RYR2: variants seen among roughly 807,000 people sequenced by gnomAD.
The protein encoded by RYR2 is ryanodine receptor 2, also known as cardiac muscle ryanodine receptor-calcium release channel.
Under a neutral mutation model 601.1 loss-of-function variants are expected in RYR2, and 227 were observed. The observed-to-expected ratio is 0.38, with a 90% CI of 0.34 to 0.42. The LOEUF (loss-of-function observed/expected upper bound fraction) is 0.42. Among genes scored for constraint, RYR2 ranks in the 10% least tolerant of loss-of-function variants. The probability of loss-of-function intolerance (pLI) is 1.00; values close to 1 mark genes in which losing one functional copy is unlikely to be tolerated. For synonymous variants in RYR2, 2,223 were observed against 2,175.1 expected, an observed-to-expected ratio of 1.02 and a Z score of -0.61; for missense variants, 4,646 against 6,156.5, an observed-to-expected ratio of 0.75 and a Z score of 8.21.
At chr1:237,421,812 T>G (rs1272147070) in intron 11 of RYR2, among the ~76,000 whole-genome samples, 1 of 152,204 alleles carries the variant, frequency 6.6e-6, no homozygotes, top group Non-Finnish European at 1.5e-5. Context: ...ATTTTCTGCT[T>G]GTTGTTGACA....
intron 1 of RYR2, among the ~76,000 whole-genome samples, chr1:237,127,713 C>T (rs1163568342): frequency 6.9e-6 from 1 of 145,402 alleles, no homozygotes; most frequent in African/African-American, 2.6e-5. Context: ...GACGGGGTCG[C>T]GGCCGGGCAG....
chr1:237,367,550 A>G (rs1700301943), intron 5 of RYR2, among the ~76,000 whole-genome samples: 1 of 151,366 alleles, frequency 6.6e-6, no homozygotes, highest in Non-Finnish European at 1.5e-5. Flanking sequence ...AAAAGGTTGT[A>G]ATAATATTGG....
chr1:237,059,682 G>C (rs1375353057), intron 1 of RYR2, among the ~76,000 whole-genome samples: 1 of 152,084 alleles, frequency 6.6e-6, no homozygotes, highest in Non-Finnish European at 1.5e-5. Flanking sequence ...TATTTATTTG[G>C]GGATTGCATT....
chr1:237,196,590 G>A (rs973286627), intron 1 of RYR2, among the ~76,000 whole-genome samples: 8 of 151,964 alleles, frequency 5.3e-5, no homozygotes, highest in Non-Finnish European at 8.8e-5. Flanking sequence ...TTATATGTCA[G>A]CTCTGACATA....
chr1:237,565,167 CTTTCTT>C (rs1559035567), intron 27 of RYR2, among the ~76,000 whole-genome samples: 18 of 20,372 alleles, frequency 8.8e-4, no homozygotes, highest in Non-Finnish European at 1.5e-3. Context: ...CTCTTTCTTT[CTTTCTT>C]TCTTTCTTTC....
Position 237,590,951 on chromosome 1 carries a change from C to G in RYR2, c.4119C>G (p.His1373Gln). The G allele has an allele frequency of 6.2e-7, 1 of 1,613,686 alleles. No individual in the cohort carries two copies. Among genetic ancestry groups the G allele is most frequent in the Admixed American group, 1.7e-5 (1 of 59,994 alleles). ...KEATKPEFNN[H>Q]KDYAQEKPSR... ...CTACTAAACCAGAGTTTAACAACCA[C>G]AAAGATTATGCCCAGGAAAAGCCCT... The change falls in exon 31 of 105, where the codon CAC becomes CAG. Residue 1373 changes from histidine (H) to glutamine (Q), a missense_variant. By Grantham distance (24) the His-to-Gln change is conservative. Coordinates refer to ENST00000366574, the MANE Select transcript of RYR2 (RefSeq NM_001035.3).
intron 33 of RYR2, among the ~76,000 whole-genome samples, chr1:237,594,895 T>TTTGTTTGTTTGTTTTTTTTG (rs1559084029): frequency 5.3e-5 from 1 of 18,780 alleles, no homozygotes; most frequent in African/African-American, 1.7e-4. Context: ...GGTTTTTTTT[T>TTTGTTTGTTTGTTTTTTTTG]TTTTTTTTTT....
intron 1 of RYR2, among the ~76,000 whole-genome samples, chr1:237,112,056 T>C (rs1669536240): frequency 6.6e-6 from 1 of 152,028 alleles, no homozygotes; most frequent in Admixed American, 6.6e-5. Flanking sequence ...AGTATGCAAA[T>C]AGAGGAGAGT....
At chr1:237,772,334 GT>G (rs1458188915) in intron 86 of RYR2, among the ~76,000 whole-genome samples, 1 of 152,024 alleles carries the variant, frequency 6.6e-6, no homozygotes, top group South Asian at 2.1e-4. Context: ...TTTTTCGCCT[GT>G]TTTTTTAGCT....
At position 237,042,304 on chromosome 1, in the gene RYR2, G is replaced by T. The variant is rs1659995668; in HGVS notation, c.-218G>T. On this transcript the variant is annotated 5_prime_UTR_variant, in exon 1 of 105. Coordinates refer to ENST00000366574, the MANE Select transcript of RYR2 (RefSeq NM_001035.3). Reference sequence around the variant, plus strand: ...GGCCGCCCTCCTCCCGCACAGTGCGGAGCAGGGAGGCCCCGCGCCTCGACC... The same window carrying T: ...GGCCGCCCTCCTCCCGCACAGTGCGTAGCAGGGAGGCCCCGCGCCTCGACC... 8.0e-6 allele frequency: 2 copies of T among 249,228 alleles called. No individual in the cohort carries two copies. The highest frequency in any genetic ancestry group is 1.5e-5 in the Non-Finnish European group (2 of 135,074). 15.4% of individuals were successfully genotyped at this position (249,228 alleles called of 1,614,324 possible). A position where few individuals can be genotyped will look rare whatever the true frequency, so the allele number is the denominator to read the frequency against.
chr1:237,806,479 T>C (rs944123647), intron 99 of RYR2, among the ~76,000 whole-genome samples, 196 bp downstream of exon 99: 5 of 152,332 alleles, frequency 3.3e-5, no homozygotes, highest in South Asian at 4.1e-4. Flanking sequence ...TTGGCTTGAC[T>C]TTGGATAAAT....
At position 237,617,474 on chromosome 1, in the gene RYR2, A is replaced by C; in HGVS notation, c.5904A>C (p.Pro1968=). Reference sequence around the variant, plus strand: ...GGAAGACAAAGGAATTTAGATCACCACCTCAAGAACAGGTACAGAAATGAA... The same window carrying C: ...GGAAGACAAAGGAATTTAGATCACCCCCTCAAGAACAGGTACAGAAATGAA... The part of the protein sequence containing the change: ...TARKTKEFRS[P]PQEQINMLLN... Residue 1968 remains proline (P), a synonymous_variant, in exon 38 of 105, where the codon CCA becomes CCC. Transcript: ENST00000366574. The C allele has an allele frequency of 6.2e-7, 1 of 1,613,572 alleles. No individual in the cohort carries two copies. The highest frequency in any genetic ancestry group is 8.5e-7 in the Non-Finnish European group (1 of 1,179,622).
At chr1:237,703,766 A>G in intron 66 of RYR2, among the ~76,000 whole-genome samples, 1 of 151,776 alleles carries the variant, frequency 6.6e-6, no homozygotes, top group Non-Finnish European at 1.5e-5. Context: ...TGATAAGTTT[A>G]GACTACACAT....
intron 72 of RYR2, 137 bp from the exon 73 acceptor site, chr1:237,718,325 C>G: frequency 2.0e-6 from 1 of 491,580 alleles, no homozygotes; most frequent in Middle Eastern, 4.6e-4. Context: ...GAGAATGCCC[C>G]AAATTTGTAG....
chr1:237,544,303 G>A (rs1669582832), intron 25 of RYR2, among the ~76,000 whole-genome samples: 2 of 152,088 alleles, frequency 1.3e-5, no homozygotes, highest in African/African-American at 2.4e-5. Context: ...ACTTATACCT[G>A]TTCAGTAAAT....
At chr1:237,356,072 T>C in intron 4 of RYR2, 87 bp downstream of exon 4, 1 of 1,235,888 alleles carries the variant, frequency 8.1e-7, no homozygotes, top group Non-Finnish European at 1.2e-6. Context: ...TGCTTCCTAG[T>C]GTGGCTTGTA....
intron 1 of RYR2, among the ~76,000 whole-genome samples, chr1:237,094,127 AC>A (rs2148478387): frequency 6.6e-6 from 1 of 152,368 alleles, no homozygotes; most frequent in South Asian, 2.1e-4. Context: ...TTGCACAGAT[AC>A]ATCTGGCTTT....
At position 237,450,139 on chromosome 1, in the gene RYR2, G is replaced by A. The variant is rs890338472; in HGVS notation, c.1293-4252G>A. On this transcript the variant is annotated intron_variant, in intron 14 of 104. Transcript: ENST00000366574. The stretch of plus-strand genomic sequence containing the variant: ...AGGTTCTGTGTGAGGGCCAGTTGCT[G>A]TTCCCTCTAATCCTTTCAGGTGATT... 1.2e-4 allele frequency among the ~76,000 whole-genome samples: 18 copies of A among 152,216 alleles called. 1 individual carries two copies. The highest frequency in any genetic ancestry group is 1.1e-3 in the Admixed American group (17 of 15,280).
chr1:237,638,977 A>G, intron 45 of RYR2, 38 bp from the exon 46 acceptor site: 1 of 1,602,354 alleles, frequency 6.2e-7, no homozygotes, highest in Non-Finnish European at 8.5e-7. Flanking sequence ...CTTCCATATA[A>G]TCATATTTGT....
Sources: allele counts gnomAD v4.1 joint callset (sites outside exome capture counted in the v4.1 genomes callset), GRCh38; gene constraint gnomAD v4.1.1; transcripts MANE v1.5; gene names NCBI Gene and HGNC (gene_info 2026-07-23, HGNC 2026-07-21).